The following PPP2R2B variants were observed in gnomAD, a reference collection of about 807,000 sequenced individuals.
PPP2R2B encodes the protein serine/threonine-protein phosphatase 2A 55 kDa regulatory subunit B beta isoform.
PPP2R2B carries 5 observed loss-of-function variants against 46.0 expected under a neutral mutation model. The ratio of observed to expected loss-of-function variants is 0.11; its 90% CI spans 0.06 to 0.23. The LOEUF (loss-of-function observed/expected upper bound fraction) is 0.23, where lower values mean the gene tolerates loss of function less well. PPP2R2B is among the 10% of genes least tolerant of loss of function. The pLI, the probability that PPP2R2B is intolerant of heterozygous loss-of-function variation, is 1.00. For synonymous variants in PPP2R2B, 215 were observed against 206.7 expected (o/e 1.04, Z -0.34); for missense variants, 367 against 575.0 (o/e 0.64, Z 3.70).
chr5:146,983,176 A>ACTTTTTTT (rs1753254155), intron 1 of PPP2R2B, among the ~76,000 whole-genome samples: 1 of 80,856 alleles, frequency 1.2e-5, no homozygotes, highest in Non-Finnish European at 2.2e-5. Flanking sequence ...TTTCCAGAGC[A>ACTTTTTTT]TTTTTTTTTT....
At chr5:146,707,130 C>T in intron 2 of PPP2R2B, 1 of 1,596,928 alleles carries the variant, frequency 6.3e-7, no homozygotes, top group Admixed American at 1.7e-5. Context: ...GCTCCGCCTC[C>T]AGCTTCAGCT....
At position 146,745,160 on chromosome 5, in the gene PPP2R2B, C is replaced by CAGAGAGAGAGAGAG. The variant is rs747573157; in HGVS notation, c.71-44032_71-44019dup. Among the ~76,000 whole-genome samples the CAGAGAGAGAGAGAG allele has an allele frequency of 1.5e-3, 143 of 95,006 alleles. 1 individual carries two copies. The highest frequency in any genetic ancestry group is 6.3e-3 in the East Asian group (18 of 2,848). The allele number at this position is 95,006 out of a possible 152,430, so 62.3% of individuals were successfully genotyped here. ...CAACTCTAAAACGTGCAGAGAAAGA[C>CAGAGAGAGAGAGAG]AGAGAGAGAGAGAGAGAGAGAGAGA... is the stretch of plus-strand genomic sequence containing the variant. On this transcript the variant is annotated intron_variant, in intron 2 of 9. Coordinates refer to ENST00000394411, the MANE Select transcript of PPP2R2B (RefSeq NM_181675.4).
intron 5 of PPP2R2B, among the ~76,000 whole-genome samples, chr5:146,658,671 A>G (rs2064707335): frequency 6.6e-6 from 1 of 152,198 alleles, no homozygotes; most frequent in Non-Finnish European, 1.5e-5. Flanking sequence ...GAGTACCCAC[A>G]GCCTAGGTTC....
At chr5:146,931,590 C>A (rs1045197442) in intron 1 of PPP2R2B, among the ~76,000 whole-genome samples, 1 of 152,126 alleles carries the variant, frequency 6.6e-6, no homozygotes. Context: ...TTATTCCTAG[C>A]AACTCTAGTC....
At chr5:147,059,182 G>C (rs1392136685), upstream of PPP2R2B, among the ~76,000 whole-genome samples, 1 of 152,116 alleles carries the variant, frequency 6.6e-6, no homozygotes, top group East Asian at 1.9e-4. Flanking sequence ...CCAGAAAAAA[G>C]AAAGACTAAT....
chr5:146,819,085 T>C (rs1288608644), intron 2 of PPP2R2B, among the ~76,000 whole-genome samples: 2 of 152,168 alleles, frequency 1.3e-5, no homozygotes, highest in African/African-American at 4.8e-5. Flanking sequence ...GGGCACAAAA[T>C]CTCCAGCTGA....
intron 2 of PPP2R2B, among the ~76,000 whole-genome samples, chr5:147,071,262 C>A (rs1342718910): frequency 6.6e-6 from 1 of 152,140 alleles, no homozygotes; most frequent in Non-Finnish European, 1.5e-5. Flanking sequence ...AATTTATCAG[C>A]TCTGGGGGCT....
chr5:146,640,710 A>T (rs1330367201), intron 6 of PPP2R2B, among the ~76,000 whole-genome samples: 1 of 152,132 alleles, frequency 6.6e-6, no homozygotes, highest in Non-Finnish European at 1.5e-5. Context: ...TGGGAGGGGG[A>T]GGTGCTACAG....
chr5:146,950,440 T>A (rs1215328205), intron 1 of PPP2R2B, among the ~76,000 whole-genome samples: 1 of 151,922 alleles, frequency 6.6e-6, no homozygotes, highest in Non-Finnish European at 1.5e-5. Context: ...GTCACATTTT[T>A]TAAAAAAAAT....
Position 146,942,984 on chromosome 5 carries a change from A to G in PPP2R2B, c.79+112681T>C, listed in dbSNP as rs890888941. The stretch of plus-strand genomic sequence containing the variant: ...GACTAATTTTTTTTGTACTTAGTAG[A>G]GACAGGGTTTCACCGTGTTAGCCAG... On this transcript the variant is annotated intron_variant, in intron 1 of 8. Transcript: ENST00000336640. Among the ~76,000 whole-genome samples the G allele has an allele frequency of 3.3e-5, 5 of 152,070 alleles. 1 individual carries two copies. Among genetic ancestry groups the G allele is most frequent in the Non-Finnish European group, 1.5e-5 (1 of 68,002 alleles).
intron 2 of PPP2R2B, among the ~76,000 whole-genome samples, chr5:146,760,090 C>T (rs1038481795): frequency 6.6e-6 from 1 of 152,112 alleles, no homozygotes; most frequent in Non-Finnish European, 1.5e-5. Context: ...ATGATAATTG[C>T]ATACAAAGCA....
intron 8 of PPP2R2B, among the ~76,000 whole-genome samples, chr5:146,593,606 C>T (rs1391144680): frequency 6.6e-6 from 1 of 152,110 alleles, no homozygotes; most frequent in African/African-American, 2.4e-5. Context: ...GGCAAGTAGT[C>T]AGGGCTTCAC....
upstream of PPP2R2B, among the ~76,000 whole-genome samples, chr5:146,880,225 G>GTGT: frequency 6.9e-6 from 1 of 144,060 alleles, no homozygotes; most frequent in Non-Finnish European, 1.5e-5. Context: ...GTGTGTGTGT[G>GTGT]GTGGGGGGAG....
intron 7 of PPP2R2B, among the ~76,000 whole-genome samples, chr5:146,608,783 T>A: frequency 6.6e-6 from 1 of 151,752 alleles, no homozygotes; most frequent in East Asian, 1.9e-4. Flanking sequence ...AGACTCTGTC[T>A]CAAAAACAAA....
chr5:146,608,716 C>T (rs367685182), intron 7 of PPP2R2B, among the ~76,000 whole-genome samples: 2 of 152,046 alleles, frequency 1.3e-5, no homozygotes, highest in East Asian at 1.9e-4. Context: ...ACCCAGGAGG[C>T]GGAGGTTGCA....
chr5:147,003,695 AGATCATGGG>A (rs1754295628), intron 1 of PPP2R2B, among the ~76,000 whole-genome samples: 2 of 152,178 alleles, frequency 1.3e-5, no homozygotes, highest in African/African-American at 4.8e-5. Flanking sequence ...ACCTCGACTC[AGATCATGGG>A]GACTGGAGTT....
At chr5:146,875,318 C>T in intron 2 of PPP2R2B, among the ~76,000 whole-genome samples, 1 of 151,992 alleles carries the variant, frequency 6.6e-6, no homozygotes, top group East Asian at 1.9e-4. Flanking sequence ...TGGTAATTTT[C>T]ATGCTCAGAA....
intron 1 of PPP2R2B, among the ~76,000 whole-genome samples, chr5:147,044,364 C>T (rs918241226): frequency 2.6e-5 from 4 of 152,096 alleles, no homozygotes; most frequent in African/African-American, 9.7e-5. Flanking sequence ...GGGTTCAGGG[C>T]ACCTGTGAAG....
intron 7 of PPP2R2B, among the ~76,000 whole-genome samples, chr5:146,608,499 T>C (rs1006333330): frequency 1.3e-5 from 2 of 151,998 alleles, no homozygotes; most frequent in Non-Finnish European, 2.9e-5. Context: ...TAAAAGCAAA[T>C]AAGACATGTA....
Sources: gnomAD v4.1 joint callset for allele counts (sites outside exome capture counted in the v4.1 genomes callset) on GRCh38, gnomAD v4.1.1 for gene constraint, MANE v1.5 for transcripts, NCBI Gene and HGNC (gene_info 2026-07-23, HGNC 2026-07-21) for gene names.